The following AP3M1 variants were observed in gnomAD, a reference collection of about 807,000 sequenced individuals.
AP3M1 encodes the protein adaptor related protein complex 3 subunit mu 1.
Under a neutral mutation model 42.6 loss-of-function variants are expected in AP3M1, and 29 were observed. The ratio of observed to expected loss-of-function variants is 0.68; its 90% CI spans 0.51 to 0.93. AP3M1 has a LOEUF of 0.93. AP3M1 is among the 40% of genes least tolerant of loss of function. The probability of loss-of-function intolerance (pLI) is 0.00; values close to 1 mark genes in which losing one functional copy is unlikely to be tolerated. For synonymous variants in AP3M1, 178 were observed against 175.3 expected (o/e 1.02, Z -0.12); for missense variants, 416 against 510.2 (o/e 0.82, Z 1.78).
chr10:74,148,894 G>A lies in AP3M1; in HGVS notation c.-4+1861C>T, dbSNP rs556661951. Among the ~76,000 whole-genome samples the A allele has an allele frequency of 3.4e-5, 5 of 147,350 alleles. No homozygotes were observed. In the South Asian group the frequency reaches 1.1e-3, roughly 32 times the overall value. On this transcript the variant is annotated intron_variant, in intron 1 of 8. Transcript: ENST00000355264. ...ATTGGTTTGTTTTTTTTTTTTTTGA[G>A]ACGGAGTCTTACTCTATTGCCAGGC... is the stretch of plus-strand genomic sequence containing the variant.
At chr10:74,135,687 T>C (rs770468305) in intron 3 of AP3M1, among the ~76,000 whole-genome samples, 1 of 152,252 alleles carries the variant, frequency 6.6e-6, no homozygotes, top group Non-Finnish European at 1.5e-5. Context: ...TTTCCAATGC[T>C]ATTACTTTAT....
rs1361788916 is a variant in AP3M1 at position 74,122,479 on chromosome 10, G to A, written c.*1331C>T. The A allele has an allele frequency of 6.6e-6, 1 of 151,426 alleles. No homozygotes were observed. The highest frequency in any genetic ancestry group is 1.9e-4 in the East Asian group (1 of 5,168). The allele number at this position is 151,426 out of a possible 1,614,324, so 9.4% of individuals were successfully genotyped here. A position where few individuals can be genotyped will look rare whatever the true frequency, so the allele number is the denominator to read the frequency against. On this transcript the variant is annotated 3_prime_UTR_variant, in exon 9 of 9. Transcript: ENST00000355264. ...GATGTCTAATGAGGCAAAATAACTG[G>A]GCAAGGACCACCAAGATGAAGAAGT...
chr10:74,136,100 T>C (rs1840931670), intron 3 of AP3M1, among the ~76,000 whole-genome samples: 1 of 152,230 alleles, frequency 6.6e-6, no homozygotes, highest in African/African-American at 2.4e-5. Context: ...AGGCCCACAA[T>C]GCATGAGATC....
intron 6 of AP3M1, 30 bp from the exon 7 acceptor site, chr10:74,126,385 A>T (rs1410786537): frequency 6.3e-7 from 1 of 1,582,732 alleles, no homozygotes; most frequent in Non-Finnish European, 8.7e-7. Context: ...AAGATACAAA[A>T]GCACAAACAC....
At chr10:74,135,317 G>A (rs1482841751) in intron 3 of AP3M1, among the ~76,000 whole-genome samples, 2 of 152,068 alleles carry the variant, frequency 1.3e-5, no homozygotes, top group Non-Finnish European at 2.9e-5. Flanking sequence ...GTTCCACCAT[G>A]GAGAATGCTC....
chr10:74,124,560 A>G, intron 7 of AP3M1, 36 bp from the exon 8 acceptor site: 1 of 1,539,558 alleles, frequency 6.5e-7, no homozygotes, highest in South Asian at 1.3e-5. Flanking sequence ...AAATAGAACC[A>G]TTTATTAAAG....
chr10:74,129,909 T>C lies in AP3M1; in HGVS notation c.667A>G (p.Met223Val), dbSNP rs765409687. ...TAAAACAGGAGAATAAAACTTACCA[T>C]GAAAGAAAGGGAGAGATCAGGCATT... is the stretch of plus-strand genomic sequence containing the variant. ...SGMPDLSLSFMNPRLLDDVSF... is the reference protein window; with the variant it reads ...SGMPDLSLSFVNPRLLDDVSF... The change falls in exon 5 of 9, where the codon ATG becomes GTG. Residue 223 changes from methionine (M) to valine (V), a missense_variant and splice_region_variant. Coordinates refer to ENST00000355264, the MANE Select transcript of AP3M1 (RefSeq NM_012095.6). The C allele has an allele frequency of 6.2e-7, 1 of 1,610,312 alleles. No individual in the cohort carries two copies. The highest frequency in any genetic ancestry group is 1.7e-5 in the Admixed American group (1 of 59,944).
chr10:74,126,102 T>C, intron 7 of AP3M1, 46 bp downstream of exon 7: 3 of 1,595,218 alleles, frequency 1.9e-6, no homozygotes, highest in Non-Finnish European at 2.6e-6. Context: ...AATCACAAAA[T>C]AGATTGCAGA....
At chr10:74,125,153 A>G (rs146318798) in intron 7 of AP3M1, among the ~76,000 whole-genome samples, 351 of 152,212 alleles carry the variant, frequency 2.3e-3, no homozygotes, top group African/African-American at 7.9e-3. Context: ...CTAATTTTGT[A>G]GTTTTAGTAG....
chr10:74,123,927 G>A lies in AP3M1; in HGVS notation c.1157-17C>T. Reference sequence around the variant, plus strand: ...CTTTTAAGCCTGTATCAAAAAGAATGAAAAAGAATAAATTATCATCATCCC... The same window carrying A: ...CTTTTAAGCCTGTATCAAAAAGAATAAAAAAGAATAAATTATCATCATCCC... On this transcript the variant is annotated splice_polypyrimidine_tract_variant and intron_variant, in intron 8 of 8. Transcript: ENST00000355264. 1 of 1,595,560 alleles carries A rather than the reference G, an allele frequency of 6.3e-7. No homozygotes were observed. The highest frequency in any genetic ancestry group is 8.6e-7 in the Non-Finnish European group (1 of 1,163,744).
intron 5 of AP3M1, 25 bp from the exon 6 acceptor site, chr10:74,129,266 G>A (rs747813904): frequency 4.3e-6 from 7 of 1,611,122 alleles, no homozygotes; most frequent in Middle Eastern, 1.7e-4. Flanking sequence ...GAAGACAGTC[G>A]TTCATAGACT....
intron 4 of AP3M1, among the ~76,000 whole-genome samples, chr10:74,130,974 T>TG (rs1313120069): frequency 2.0e-5 from 3 of 151,596 alleles, no homozygotes; most frequent in African/African-American, 7.3e-5. Flanking sequence ...TAGCCAGGCG[T>TG]GGTGGTGTGT....
At chr10:74,145,961 T>G (rs1841312866) in intron 1 of AP3M1, among the ~76,000 whole-genome samples, 1 of 152,240 alleles carries the variant, frequency 6.6e-6, no homozygotes, top group South Asian at 2.1e-4. Flanking sequence ...CTCTTCTGAT[T>G]CTCAGCCAAT....
At position 74,129,894 on chromosome 10, in the gene AP3M1, G is replaced by A; in HGVS notation, c.669+13C>T. The A allele has an allele frequency of 6.3e-7, 1 of 1,588,982 alleles. No homozygotes were observed. Among genetic ancestry groups the A allele is most frequent in the Non-Finnish European group, 8.6e-7 (1 of 1,157,674 alleles). ...GCATTCAAGGGGCTATAAAACAGGA[G>A]AATAAAACTTACCATGAAAGAAAGG... On this transcript the variant is annotated intron_variant, in intron 5 of 8. Transcript: ENST00000355264.
rs1481779789 is a variant in AP3M1 at position 74,124,434 on chromosome 10, C to A, written c.1102G>T (p.Glu368Ter). 4.3e-6 allele frequency: 7 copies of A among 1,613,732 alleles called. No individual in the cohort carries two copies. The highest frequency in any genetic ancestry group is 5.9e-6 in the Non-Finnish European group (7 of 1,179,864). ...TGTATGTTGAGGCTCGGATTCTCTT[C>A]TGGTTTGGGGGCTCCAGACTGTAAA... ...VNLQSGAPKP[E>*]ENPSLNIQFK... The change falls in exon 8 of 9, where the codon GAA (glutamate) becomes TAA (stop). Residue 368 changes from glutamate (E) to a stop codon, truncating the protein, a stop_gained. Transcript: ENST00000355264. LOFTEE classifies it high-confidence loss of function.
In AP3M1 at chr10:74,143,336, G is replaced by A. The variant is rs574736187; in HGVS notation, c.-3-4954C>T. Among the ~76,000 whole-genome samples, 24 of 152,274 alleles carry A rather than the reference G, an allele frequency of 1.6e-4. 1 individual carries two copies. The highest frequency in any genetic ancestry group is 6.5e-4 in the Admixed American group (10 of 15,302). Reference sequence around the variant, plus strand: ...GTGATCTCTGCTGACTGCAACCTCCGTCTCCCATGGGCAAGCAATTCTCGT... The same window carrying A: ...GTGATCTCTGCTGACTGCAACCTCCATCTCCCATGGGCAAGCAATTCTCGT... On this transcript the variant is annotated intron_variant, in intron 1 of 8. Transcript: ENST00000355264.
intron 1 of AP3M1, among the ~76,000 whole-genome samples, chr10:74,148,334 A>C (rs1410848136): frequency 6.6e-6 from 1 of 152,108 alleles, no homozygotes; most frequent in East Asian, 1.9e-4. Flanking sequence ...AGGAGAAGGA[A>C]CACTTTCTAC....
intron 1 of AP3M1, among the ~76,000 whole-genome samples, chr10:74,149,364 A>T (rs1286384466): frequency 2.4e-5 from 3 of 123,938 alleles, no homozygotes; most frequent in African/African-American, 9.4e-5. Context: ...GTCTCAGCTT[A>T]CTGCAACTTC....
chr10:74,123,464 C>T lies in AP3M1; in HGVS notation c.*346G>A, dbSNP rs1840527257. The T allele has an allele frequency of 4.4e-6, 1 of 228,856 alleles. No homozygotes were observed. Among genetic ancestry groups the T allele is most frequent in the African/African-American group, 2.3e-5 (1 of 43,594 alleles). The allele number at this position is 228,856 out of a possible 1,614,324, so 14.2% of individuals were successfully genotyped here. A position where few individuals can be genotyped will look rare whatever the true frequency, so the allele number is the denominator to read the frequency against. ...CATCACAGATTTAAGATAGCTTCTG[C>T]TGGATGAGACCAGTTAACTCTTTTA... On this transcript the variant is annotated 3_prime_UTR_variant, in exon 9 of 9. Coordinates refer to ENST00000355264, the MANE Select transcript of AP3M1 (RefSeq NM_012095.6).
Sources: gnomAD v4.1 joint callset for allele counts (sites outside exome capture counted in the v4.1 genomes callset) on GRCh38, gnomAD v4.1.1 for gene constraint, MANE v1.5 for transcripts, NCBI Gene and HGNC (gene_info 2026-07-23, HGNC 2026-07-21) for gene names.